Variants in SCFD2 observed in about 807,000 individuals in gnomAD.
The protein encoded by SCFD2 is sec1 family domain-containing protein 2.
In SCFD2, 54 loss-of-function variants were observed where a neutral mutation model predicts 58.9. The observed-to-expected ratio is 0.92, with a 90% CI of 0.74 to 1.15. SCFD2 has a LOEUF of 1.15. SCFD2 is among the 50% of genes most tolerant of loss of function. The pLI, the probability that SCFD2 is intolerant of heterozygous loss-of-function variation, is 0.00. For synonymous variants in SCFD2, 321 were observed against 335.9 expected, an observed-to-expected ratio of 0.96 and a Z score of 0.49; for missense variants, 805 against 836.6, an observed-to-expected ratio of 0.96 and a Z score of 0.47.
In SCFD2 at chr4:53,302,104, C is replaced by T. The variant is rs572691273; in HGVS notation, c.1135+11532G>A. ...ATAGTGTTGGAAGTTCTGGCCAGGG[C>T]AATCAGGCAGGAGAAGGAAATAAAG... is the stretch of plus-strand genomic sequence containing the variant. On this transcript the variant is annotated intron_variant, in intron 3 of 8. Coordinates refer to ENST00000401642, the MANE Select transcript of SCFD2 (RefSeq NM_152540.4). Among the ~76,000 whole-genome samples, 1,242 of 152,162 alleles carry T rather than the reference C, an allele frequency of 8.2e-3. 16 individuals are homozygous for T. The highest frequency in any genetic ancestry group is 0.028 in the African/African-American group (1,169 of 41,528).
At chr4:52,993,135 A>T (rs1313987095) in intron 5 of SCFD2, among the ~76,000 whole-genome samples, 4 of 152,146 alleles carry the variant, frequency 2.6e-5, no homozygotes, top group African/African-American at 9.7e-5. Flanking sequence ...GTGTCCACTC[A>T]GGGTTAAATG....
chr4:53,327,573 G>C (rs139385028), intron 2 of SCFD2, among the ~76,000 whole-genome samples: 2 of 152,248 alleles, frequency 1.3e-5, no homozygotes, highest in Non-Finnish European at 2.9e-5. Context: ...CAGAGCATGG[G>C]GCAGGATGCG....
At chr4:53,003,176 C>G (rs1018148685) in intron 5 of SCFD2, among the ~76,000 whole-genome samples, 2 of 152,184 alleles carry the variant, frequency 1.3e-5, no homozygotes, top group African/African-American at 4.8e-5. Context: ...TCTCTCTTTT[C>G]CCTCTCTCCC....
At chr4:52,897,011 C>G (rs1577807220) in intron 7 of SCFD2, among the ~76,000 whole-genome samples, 1 of 152,138 alleles carries the variant, frequency 6.6e-6, no homozygotes, top group Non-Finnish European at 1.5e-5. Context: ...GATTTTGTAT[C>G]CTGAGACTTT....
Position 52,960,124 on chromosome 4 carries a change from T to C in SCFD2, c.1562-39254A>G, listed in dbSNP as rs542816079. On this transcript the variant is annotated intron_variant, in intron 5 of 8. Transcript: ENST00000401642. ...TATTATCTTCAGTCTTTCCCCCAACTTACCTTTTGGCCTATTTATGTTTGT... is the reference window on the plus strand; with the variant it reads ...TATTATCTTCAGTCTTTCCCCCAACCTACCTTTTGGCCTATTTATGTTTGT... 9.8e-5 allele frequency among the ~76,000 whole-genome samples: 15 copies of C among 152,292 alleles called. No individual in the cohort carries two copies. In the South Asian group the frequency reaches 2.7e-3, roughly 27 times the overall value.
At chr4:53,269,795 C>A (rs749921390) in intron 4 of SCFD2, among the ~76,000 whole-genome samples, 1 of 152,156 alleles carries the variant, frequency 6.6e-6, no homozygotes, top group Non-Finnish European at 1.5e-5. Flanking sequence ...GAGGCCAAGG[C>A]GGGCAGATCA....
At chr4:53,259,184 C>T (rs1288555805) in intron 4 of SCFD2, among the ~76,000 whole-genome samples, 2 of 152,150 alleles carry the variant, frequency 1.3e-5, no homozygotes, top group Non-Finnish European at 2.9e-5. Flanking sequence ...ATTAACCCTG[C>T]TGATTATTTA....
At chr4:53,328,901 G>C (rs1204887424) in intron 2 of SCFD2, among the ~76,000 whole-genome samples, 1 of 152,266 alleles carries the variant, frequency 6.6e-6, no homozygotes, top group Non-Finnish European at 1.5e-5. Flanking sequence ...CCATGCGCGA[G>C]CCGAAGCAGG....
intron 5 of SCFD2, among the ~76,000 whole-genome samples, chr4:53,106,994 C>T (rs1307675522): frequency 2.0e-5 from 3 of 152,136 alleles, no homozygotes; most frequent in African/African-American, 7.2e-5. Context: ...GGGTTACCCA[C>T]AAAGGGAAGC....
chr4:53,017,036 A>T (rs1466535735), intron 5 of SCFD2, among the ~76,000 whole-genome samples: 1 of 152,160 alleles, frequency 6.6e-6, no homozygotes, highest in Non-Finnish European at 1.5e-5. Context: ...TGAACCCAGG[A>T]GGCAGAGGTT....
chr4:53,258,717 ACTT>A (rs1403232909), intron 4 of SCFD2, among the ~76,000 whole-genome samples: 1 of 151,406 alleles, frequency 6.6e-6, no homozygotes, highest in East Asian at 1.9e-4. Context: ...TCCTATAATG[ACTT>A]CTTTTCCTCT....
intron 5 of SCFD2, among the ~76,000 whole-genome samples, chr4:53,082,359 G>A (rs191824817): frequency 1.3e-5 from 2 of 152,154 alleles, no homozygotes; most frequent in Admixed American, 1.3e-4. Context: ...ATTTGTTATT[G>A]TCCTTTTTAG....
intron 5 of SCFD2, among the ~76,000 whole-genome samples, chr4:53,100,665 C>T (rs1417475092): frequency 6.6e-6 from 1 of 152,108 alleles, no homozygotes; most frequent in African/African-American, 2.4e-5. Flanking sequence ...AATGAACAGA[C>T]ACATAAGGCT....
intron 5 of SCFD2, among the ~76,000 whole-genome samples, chr4:52,972,549 C>T (rs1721133241): frequency 6.6e-6 from 1 of 152,148 alleles, no homozygotes; most frequent in African/African-American, 2.4e-5. Flanking sequence ...GAGACTTAGA[C>T]TCCCACACAA....
At chr4:53,329,338 T>C (rs1417717015) in intron 2 of SCFD2, among the ~76,000 whole-genome samples, 7 of 152,054 alleles carry the variant, frequency 4.6e-5, no homozygotes, top group African/African-American at 1.7e-4. Flanking sequence ...CAGACTTAAA[T>C]GTCCCTGTCT....
chr4:53,290,617 A>C (rs1349843118), intron 3 of SCFD2, among the ~76,000 whole-genome samples: 1 of 152,060 alleles, frequency 6.6e-6, no homozygotes, highest in East Asian at 1.9e-4. Flanking sequence ...AATAAAGACC[A>C]GAATACAAAT....
intron 5 of SCFD2, among the ~76,000 whole-genome samples, chr4:53,030,392 G>A (rs1355922153): frequency 2.0e-5 from 3 of 151,256 alleles, no homozygotes; most frequent in Non-Finnish European, 4.4e-5. Context: ...ACATGAGAAT[G>A]CAAAATGGTA....
intron 5 of SCFD2, among the ~76,000 whole-genome samples, chr4:53,068,883 A>C (rs1362945532): frequency 6.6e-6 from 1 of 152,082 alleles, no homozygotes; most frequent in African/African-American, 2.4e-5. Flanking sequence ...ACCCTTGTTT[A>C]ACTTTAGACG....
rs200543546 is a variant in SCFD2 at position 53,352,586 on chromosome 4, T to C, written c.1007+12A>G. The C allele has an allele frequency of 9.4e-6, 15 of 1,601,730 alleles. No individual in the cohort carries two copies. The Admixed American group carries it at 2.3e-4, about 25-fold the overall frequency. ...CAGAGAAAGATAAGATGACAAAAACTATATATCTTACCTGGATTGTGAAAG... is the reference window on the plus strand; with the variant it reads ...CAGAGAAAGATAAGATGACAAAAACCATATATCTTACCTGGATTGTGAAAG... On this transcript the variant is annotated intron_variant, in intron 2 of 8. Coordinates refer to ENST00000401642, the MANE Select transcript of SCFD2 (RefSeq NM_152540.4).
Sources: gnomAD v4.1 joint callset for allele counts (sites outside exome capture counted in the v4.1 genomes callset) on GRCh38, gnomAD v4.1.1 for gene constraint, MANE v1.5 for transcripts, NCBI Gene and HGNC (gene_info 2026-07-23, HGNC 2026-07-21) for gene names.